The following TENM3 variants were observed in gnomAD, a reference collection of about 807,000 sequenced individuals.
The protein encoded by TENM3 is teneurin-3.
TENM3 carries 63 observed loss-of-function variants against 255.1 expected under a neutral mutation model. The ratio of observed to expected loss-of-function variants is 0.25; its 90% CI spans 0.20 to 0.30. The LOEUF (loss-of-function observed/expected upper bound fraction) is 0.30. TENM3 is among the 10% of genes least tolerant of loss of function. The probability of loss-of-function intolerance (pLI) is 1.00; values close to 1 mark genes in which losing one functional copy is unlikely to be tolerated. For missense variants in TENM3, 2,929 were observed against 3,461.1 expected (o/e 0.85, Z 3.86); for synonymous variants, 1,306 against 1,322.3 (o/e 0.99, Z 0.27).
At chr4:181,859,649 C>G in the TENM3 span, among the ~76,000 whole-genome samples, 1 of 152,180 alleles carries the variant, frequency 6.6e-6, no homozygotes, top group Non-Finnish European at 1.5e-5. Context: ...TTTAAGACTA[C>G]TCAGTGGTAC....
At chr4:182,557,658 A>T (rs985011641) in intron 3 of TENM3, among the ~76,000 whole-genome samples, 1 of 152,130 alleles carries the variant, frequency 6.6e-6, no homozygotes, top group Non-Finnish European at 1.5e-5. Flanking sequence ...ACAGGGTACA[A>T]CATTTTGGAG....
chr4:182,296,462 A>G (rs1451924624), intron 1 of TENM3, among the ~76,000 whole-genome samples: 3 of 152,198 alleles, frequency 2.0e-5, no homozygotes, highest in Non-Finnish European at 4.4e-5. Flanking sequence ...ATCATGAAAA[A>G]AACTTCCAAA....
At chr4:182,547,549 G>A (rs1483531786) in intron 3 of TENM3, among the ~76,000 whole-genome samples, 1 of 151,704 alleles carries the variant, frequency 6.6e-6, no homozygotes, top group Non-Finnish European at 1.5e-5. Context: ...CGTCACCTCC[G>A]CCCCATCCCA....
chr4:181,861,278 G>A, the TENM3 span, among the ~76,000 whole-genome samples: 17 of 152,140 alleles, frequency 1.1e-4, no homozygotes, highest in African/African-American at 1.9e-4. Flanking sequence ...TTTATGTCAC[G>A]AAGTCAATTC....
At chr4:182,076,976 A>G in the TENM3 span, among the ~76,000 whole-genome samples, 1 of 152,228 alleles carries the variant, frequency 6.6e-6, no homozygotes, top group Non-Finnish European at 1.5e-5. Flanking sequence ...ATAAATGTTC[A>G]TTAGAGGATA....
At chr4:181,758,748 G>T in the TENM3 span, among the ~76,000 whole-genome samples, 1 of 152,184 alleles carries the variant, frequency 6.6e-6, no homozygotes, top group Non-Finnish European at 1.5e-5. Context: ...ATTACTAAAA[G>T]CCAGCACCTA....
At chr4:181,548,138 G>A in the TENM3 span, among the ~76,000 whole-genome samples, 16 of 152,020 alleles carry the variant, frequency 1.1e-4, no homozygotes, top group East Asian at 3.9e-4. Flanking sequence ...TTAGAACGGC[G>A]ATCATTAAAA....
chr4:182,568,329 TG>T (rs1744006248), intron 3 of TENM3, among the ~76,000 whole-genome samples: 1 of 152,122 alleles, frequency 6.6e-6, no homozygotes, highest in Admixed American at 6.6e-5. Flanking sequence ...CACCAAAACC[TG>T]CAGAAGAGAG....
At chr4:182,794,254 G>GT (rs1449509615) in intron 26 of TENM3, among the ~76,000 whole-genome samples, 10 of 152,200 alleles carry the variant, frequency 6.6e-5, no homozygotes, top group Non-Finnish European at 1.5e-4. Context: ...CAAGCCATAT[G>GT]TTTTTTGAGT....
chr4:182,339,651 T>C (rs1764359646), intron 2 of TENM3, among the ~76,000 whole-genome samples: 1 of 152,202 alleles, frequency 6.6e-6, no homozygotes, highest in Non-Finnish European at 1.5e-5. Context: ...GCTCAACTTG[T>C]ATCTGGTTCC....
chr4:182,106,165 G>A, the TENM3 span, among the ~76,000 whole-genome samples: 1 of 152,058 alleles, frequency 6.6e-6, no homozygotes, highest in East Asian at 1.9e-4. Context: ...CCTCTTCTAG[G>A]GCAAGGTTAA....
the TENM3 span, among the ~76,000 whole-genome samples, chr4:181,913,085 T>A: frequency 6.6e-6 from 1 of 152,070 alleles, no homozygotes; most frequent in East Asian, 1.9e-4. Flanking sequence ...TAGGAATATA[T>A]GCAAAATAAC....
At chr4:181,695,987 C>T in the TENM3 span, among the ~76,000 whole-genome samples, 20,642 of 151,624 alleles carry the variant, frequency 0.14, 1,806 homozygotes, top group Admixed American at 0.22. Flanking sequence ...TATAACTTTA[C>T]CATTTTGGAA....
intron 3 of TENM3, among the ~76,000 whole-genome samples, chr4:182,495,010 C>T (rs1183067659): frequency 6.6e-6 from 1 of 152,142 alleles, no homozygotes; most frequent in East Asian, 1.9e-4. Flanking sequence ...GTTGTATGCT[C>T]AGCACTTTTT....
the TENM3 span, among the ~76,000 whole-genome samples, chr4:181,716,551 C>T: frequency 3.3e-5 from 5 of 152,118 alleles, no homozygotes; most frequent in Admixed American, 3.3e-4. Context: ...GGTTTGAATC[C>T]CAGATCTCCC....
At chr4:182,601,303 G>A in intron 4 of TENM3, 142 bp downstream of exon 4, 1 of 689,888 alleles carries the variant, frequency 1.4e-6, no homozygotes. Context: ...AGCAGTTCCA[G>A]ATTGTTGTGA....
chr4:182,252,579 T>G (rs1469794945), intron 1 of TENM3, among the ~76,000 whole-genome samples: 1 of 152,062 alleles, frequency 6.6e-6, no homozygotes, highest in African/African-American at 2.4e-5. Flanking sequence ...ACCTTCAGAG[T>G]CCCTCCTATT....
rs775500431 is a variant in TENM3, at chr4:182,754,740, G to T, written c.4373G>T (p.Cys1458Phe). The change falls in exon 22 of 28, where the codon TGT (cysteine) becomes TTT (phenylalanine). Residue 1458 changes from cysteine (C) to phenylalanine (F), a missense_variant. This residue lies in a region of TENM3 where 1,608 missense variants were observed against 1,884.4 expected (regional missense o/e 0.85). Coordinates refer to ENST00000511685, the MANE Select transcript of TENM3 (RefSeq NM_001080477.4). The surrounding 1 kb of genome is among the most constrained non-coding windows in gnomAD (Gnocchi z 5.1). The part of the protein sequence containing the change: ...CDCKNDANCD[C>F]YQSGDGYAKD... ...TGCAAAAATGATGCCAACTGTGACT[G>T]TTACCAGAGTGGAGATGGCTACGCC... is the stretch of plus-strand genomic sequence containing the variant. 3.7e-6 allele frequency: 6 copies of T among 1,614,072 alleles called. No individual in the cohort carries two copies. The Admixed American group carries it at 1.0e-4, about 27-fold the overall frequency.
the TENM3 span, among the ~76,000 whole-genome samples, chr4:181,642,804 C>A: frequency 1.3e-5 from 2 of 152,118 alleles, no homozygotes; most frequent in Non-Finnish European, 2.9e-5. Context: ...TGTCAAAGAT[C>A]AGATGGTTGT....
Sources: allele counts gnomAD v4.1 joint callset (sites outside exome capture counted in the v4.1 genomes callset), GRCh38; gene constraint gnomAD v4.1.1; regional missense constraint gnomAD v4.1.1; non-coding constraint Gnocchi (gnomAD v3.1); transcripts MANE v1.5; gene names NCBI Gene and HGNC (gene_info 2026-07-23, HGNC 2026-07-21).